GNG7: variants seen among roughly 807,000 people sequenced by gnomAD.
The protein encoded by GNG7 is guanine nucleotide-binding protein G(I)/G(S)/G(O) subunit gamma-7.
A neutral mutation model predicts 4.0 loss-of-function variants in GNG7; 1 was observed. The observed-to-expected ratio is 0.25, with a 90% CI of 0.09 to 1.18. The LOEUF (loss-of-function observed/expected upper bound fraction) is 1.18. Among genes scored for constraint, GNG7 ranks in the 50% most tolerant of loss-of-function variants. The pLI is 0.50. For synonymous variants in GNG7, 34 were observed against 36.9 expected, an observed-to-expected ratio of 0.92 and a Z score of 0.29; for missense variants, 86 against 91.9, an observed-to-expected ratio of 0.94 and a Z score of 0.26.
intron 1 of GNG7, among the ~76,000 whole-genome samples, chr19:2,661,257 G>GA (rs1555701510): frequency 5.6e-5 from 4 of 71,150 alleles, no homozygotes; most frequent in African/African-American, 1.9e-4. Context: ...AAGAAAGAAA[G>GA]AAAGAAAGAA....
rs951441217 is a variant in GNG7 at position 2,512,925 on chromosome 19, C to G, written c.*2097G>C. 13 of 985,484 alleles carry G rather than the reference C, an allele frequency of 1.3e-5. No homozygotes were observed. Among genetic ancestry groups the G allele is most frequent in the Admixed American group, 6.1e-5 (1 of 16,290 alleles). 61.0% of individuals were successfully genotyped at this position (985,484 alleles called of 1,614,324 possible). Reference sequence around the variant, plus strand: ...GGGACGCCCACACCCCAAACCCTGCCGGCTCCCAGCCCAACCACAGGAGGC... The same window carrying G: ...GGGACGCCCACACCCCAAACCCTGCGGGCTCCCAGCCCAACCACAGGAGGC... On this transcript the variant is annotated 3_prime_UTR_variant, in exon 5 of 5. Transcript: ENST00000382159. The surrounding 1 kb of genome is among the most constrained non-coding windows in gnomAD (Gnocchi z 4.7).
At chr19:2,517,970 G>T (rs1004320894) in intron 4 of GNG7, among the ~76,000 whole-genome samples, 1 of 152,206 alleles carries the variant, frequency 6.6e-6, no homozygotes, top group Admixed American at 6.5e-5. Flanking sequence ...CCCGCCGGCT[G>T]CGGCCTGTGA....
At chr19:2,661,045 C>T (rs900830206) in intron 1 of GNG7, among the ~76,000 whole-genome samples, 2 of 151,446 alleles carry the variant, frequency 1.3e-5, no homozygotes, top group African/African-American at 2.4e-5. Context: ...AACCCTGTCT[C>T]TACTAAAAAT....
chr19:2,673,511 G>A (rs1452962916), intron 1 of GNG7, among the ~76,000 whole-genome samples: 2 of 151,840 alleles, frequency 1.3e-5, no homozygotes, highest in Non-Finnish European at 2.9e-5. Context: ...TGGCCAACAT[G>A]GTGAACCCCT....
chr19:2,565,240 G>A (rs1407749171), intron 2 of GNG7, among the ~76,000 whole-genome samples: 5 of 151,898 alleles, frequency 3.3e-5, no homozygotes, highest in South Asian at 4.2e-4. Context: ...TGCCAGGCGC[G>A]GTGGCTCACA....
rs966094558 is a variant in GNG7 at position 2,682,776 on chromosome 19, C to A, written c.-135+19870G>T. On this transcript the variant is annotated intron_variant, in intron 1 of 4. Coordinates refer to ENST00000382159, the MANE Select transcript of GNG7 (RefSeq NM_052847.3). Reference sequence around the variant, plus strand: ...ACGCCATGAGCCTTGGTTTCCTCATCTGAAGACAGAGCCTCAGAAGAGCTG... The same window carrying A: ...ACGCCATGAGCCTTGGTTTCCTCATATGAAGACAGAGCCTCAGAAGAGCTG... 2.6e-5 allele frequency among the ~76,000 whole-genome samples: 4 copies of A among 151,312 alleles called. No homozygotes were observed. The South Asian group carries it at 8.4e-4, about 32-fold the overall frequency.
Position 2,669,966 on chromosome 19 carries a change from C to T in GNG7, c.-134-23686G>A, listed in dbSNP as rs1444205723. On this transcript the variant is annotated intron_variant, in intron 1 of 4. Coordinates refer to ENST00000382159, the MANE Select transcript of GNG7 (RefSeq NM_052847.3). ...TAGAGGTTGCAGTGAGCTGAGATCG[C>T]GCCAATGCACTCCAGACTGGGTGAC... is the stretch of plus-strand genomic sequence containing the variant. Among the ~76,000 whole-genome samples the T allele has an allele frequency of 5.4e-5, 8 of 149,234 alleles. No homozygotes were observed. The East Asian group carries it at 7.9e-4, about 15-fold the overall frequency.
chr19:2,656,470 T>C (rs1223402875), intron 1 of GNG7, among the ~76,000 whole-genome samples: 1 of 152,034 alleles, frequency 6.6e-6, no homozygotes, highest in Non-Finnish European at 1.5e-5. Flanking sequence ...GGCATGGTGG[T>C]GCACGCCTGT....
At chr19:2,657,260 G>T (rs1186200304) in intron 1 of GNG7, among the ~76,000 whole-genome samples, 1 of 146,348 alleles carries the variant, frequency 6.8e-6, no homozygotes, top group Non-Finnish European at 1.5e-5. Context: ...CTTGAGCCTA[G>T]GAGTTCGAAG....
chr19:2,542,095 G>A (rs917905563), intron 3 of GNG7, among the ~76,000 whole-genome samples: 1 of 145,608 alleles, frequency 6.9e-6, no homozygotes, highest in African/African-American at 2.5e-5. Flanking sequence ...ATGGGAGGCA[G>A]CGCTGTGTGT....
chr19:2,673,271 AAC>A lies in GNG7; in HGVS notation c.-134-26993_-134-26992del, dbSNP rs1491043548. ...AGATTCCATCTCAAAAAAAAAACAAAACAAAACAAAACAAAACAAAAAAAAAC... is the reference window on the plus strand; with the variant it reads ...AGATTCCATCTCAAAAAAAAAACAAAAAAACAAAACAAAACAAAAAAAAAC... On this transcript the variant is annotated intron_variant, in intron 1 of 4. Coordinates refer to ENST00000382159, the MANE Select transcript of GNG7 (RefSeq NM_052847.3). 4.1e-3 allele frequency among the ~76,000 whole-genome samples: 594 copies of A among 144,906 alleles called. 15 individuals carry two copies. Among genetic ancestry groups the A allele is most frequent in the African/African-American group, 0.015 (563 of 36,358 alleles).
At chr19:2,680,801 C>T (rs1258445243) in intron 1 of GNG7, among the ~76,000 whole-genome samples, 2 of 151,682 alleles carry the variant, frequency 1.3e-5, no homozygotes, top group African/African-American at 4.8e-5. Context: ...CTTGAACTCC[C>T]GACTTCATTC....
Position 2,512,087 on chromosome 19 carries a change from G to A in GNG7, c.*2935C>T, listed in dbSNP as rs1972664198. ...CCACCCGACGCTGCCTTGTGTGTGT[G>A]CGTGGGTGGGGGTGAGTGTCCTTAA... On this transcript the variant is annotated 3_prime_UTR_variant, in exon 5 of 5. Transcript: ENST00000382159. The surrounding 1 kb of genome is among the most constrained non-coding windows in gnomAD (Gnocchi z 4.7). 2 of 985,926 alleles carry A rather than the reference G, an allele frequency of 2.0e-6. No homozygotes were observed. The highest frequency in any genetic ancestry group is 2.4e-6 in the Non-Finnish European group (2 of 829,958). The allele number at this position is 985,926 out of a possible 1,614,324, so 61.1% of individuals were successfully genotyped here.
intron 2 of GNG7, among the ~76,000 whole-genome samples, chr19:2,571,256 T>C (rs546655805): frequency 1.8e-4 from 28 of 152,298 alleles, no homozygotes; most frequent in Non-Finnish European, 3.8e-4. Context: ...AGAGGGTCCC[T>C]GGTCAACATT....
At chr19:2,565,781 A>T (rs1979887592) in intron 2 of GNG7, among the ~76,000 whole-genome samples, 1 of 152,188 alleles carries the variant, frequency 6.6e-6, no homozygotes, top group Non-Finnish European at 1.5e-5. Flanking sequence ...AGCCCGGCCG[A>T]GTCCTACAGG....
intron 1 of GNG7, among the ~76,000 whole-genome samples, chr19:2,684,417 G>C (rs966896389): frequency 1.3e-5 from 2 of 151,010 alleles, no homozygotes; most frequent in African/African-American, 2.4e-5. Context: ...TGACAGGCGT[G>C]AGCCACCGTG....
intron 1 of GNG7, among the ~76,000 whole-genome samples, chr19:2,664,996 T>C (rs759823442): frequency 2.6e-5 from 4 of 151,814 alleles, no homozygotes; most frequent in Non-Finnish European, 5.9e-5. Flanking sequence ...AGATACTCTG[T>C]CCCCTGATCT....
At chr19:2,696,326 G>GA (rs1160315387) in intron 1 of GNG7, among the ~76,000 whole-genome samples, 2 of 132,476 alleles carry the variant, frequency 1.5e-5, no homozygotes, top group East Asian at 4.1e-4. Context: ...AAGAAAGAAA[G>GA]AAAGAAAGAA....
chr19:2,679,186 A>C (rs1189688707), intron 1 of GNG7, among the ~76,000 whole-genome samples: 1 of 152,006 alleles, frequency 6.6e-6, no homozygotes, highest in East Asian at 1.9e-4. Context: ...AGCAGCTGGG[A>C]CCACAGGTGT....
Sources: gnomAD v4.1 joint callset for allele counts (sites outside exome capture counted in the v4.1 genomes callset) on GRCh38, gnomAD v4.1.1 for gene constraint, Gnocchi (gnomAD v3.1) non-coding constraint, MANE v1.5 for transcripts, NCBI Gene and HGNC (gene_info 2026-07-23, HGNC 2026-07-21) for gene names.